The following CPEB3 variants were observed in gnomAD, a reference collection of about 807,000 sequenced individuals.
CPEB3 encodes the protein cytoplasmic polyadenylation element-binding protein 3.
Under a neutral mutation model 67.2 loss-of-function variants are expected in CPEB3, and 20 were observed. That is an observed-to-expected ratio of 0.30 (90% CI 0.21 to 0.43). CPEB3 has a LOEUF of 0.43. Among genes scored for constraint, CPEB3 ranks in the 20% least tolerant of loss-of-function variants. The pLI, the probability that CPEB3 is intolerant of heterozygous loss-of-function variation, is 1.00. For missense variants in CPEB3, 746 were observed against 968.6 expected (o/e 0.77, Z 3.05); for synonymous variants, 376 against 393.1 (o/e 0.96, Z 0.51).
At chr10:92,068,882 A>G (rs1354472759) in intron 9 of CPEB3, among the ~76,000 whole-genome samples, 1 of 152,210 alleles carries the variant, frequency 6.6e-6, no homozygotes, top group East Asian at 1.9e-4. Flanking sequence ...AAGCCCAGGT[A>G]GGATTAGTTC....
intron 2 of CPEB3, among the ~76,000 whole-genome samples, chr10:92,194,331 T>G (rs1028276586): frequency 2.6e-5 from 4 of 151,712 alleles, no homozygotes; most frequent in Admixed American, 6.6e-5. Context: ...TCCCAGCTAC[T>G]CAGGAAGCTG....
At chr10:92,175,533 C>T (rs1038505290) in intron 4 of CPEB3, among the ~76,000 whole-genome samples, 2 of 152,004 alleles carry the variant, frequency 1.3e-5, no homozygotes, top group African/African-American at 4.8e-5. Flanking sequence ...CCAAAGTGGC[C>T]GTATCATTTT....
At chr10:92,223,538 A>C (rs1850799517) in intron 2 of CPEB3, among the ~76,000 whole-genome samples, 2 of 148,314 alleles carry the variant, frequency 1.3e-5, no homozygotes, top group African/African-American at 5.0e-5. Flanking sequence ...GTAATCACCA[A>C]GTCCTTCCAG....
chr10:92,156,378 C>T (rs1386210625), intron 4 of CPEB3, among the ~76,000 whole-genome samples: 6 of 151,954 alleles, frequency 3.9e-5, no homozygotes, highest in Non-Finnish European at 8.8e-5. Flanking sequence ...TCATGGGGAC[C>T]CTGAATTGAG....
At chr10:92,273,449 A>G (rs912761510) in intron 1 of CPEB3, among the ~76,000 whole-genome samples, 1 of 152,162 alleles carries the variant, frequency 6.6e-6, no homozygotes, top group African/African-American at 2.4e-5. Flanking sequence ...TTTAGCTATC[A>G]TAAGGTCCAA....
chr10:92,177,568 G>A (rs1305790328), intron 4 of CPEB3, among the ~76,000 whole-genome samples: 1 of 152,120 alleles, frequency 6.6e-6, no homozygotes, highest in South Asian at 2.1e-4. Context: ...CACAAACCTC[G>A]CCAATTTTTC....
chr10:92,153,612 C>A (rs2133899313), intron 4 of CPEB3, among the ~76,000 whole-genome samples: 1 of 152,208 alleles, frequency 6.6e-6, no homozygotes, highest in East Asian at 1.9e-4. Context: ...GAAACCCCAT[C>A]TCTACTAAAA....
chr10:92,053,120 G>A (rs1158378269), intron 9 of CPEB3, among the ~76,000 whole-genome samples: 2 of 152,170 alleles, frequency 1.3e-5, no homozygotes, highest in African/African-American at 4.8e-5. Context: ...GTGTTAAGAA[G>A]CTACTATAAT....
At chr10:92,196,347 C>G (rs1849234737) in intron 2 of CPEB3, among the ~76,000 whole-genome samples, 1 of 152,150 alleles carries the variant, frequency 6.6e-6, no homozygotes, top group Admixed American at 6.6e-5. Flanking sequence ...ATTAGAGAAA[C>G]AGTTGGTGGC....
At chr10:92,202,205 G>A (rs1009393230) in intron 2 of CPEB3, among the ~76,000 whole-genome samples, 1 of 151,996 alleles carries the variant, frequency 6.6e-6, no homozygotes, top group Non-Finnish European at 1.5e-5. Flanking sequence ...AAACAGTTTG[G>A]CTGTTTCTTA....
chr10:92,207,827 A>G (rs1849867023), intron 2 of CPEB3, among the ~76,000 whole-genome samples: 1 of 152,212 alleles, frequency 6.6e-6, no homozygotes, highest in Non-Finnish European at 1.5e-5. Flanking sequence ...CCGAGATCAC[A>G]CCACTACACT....
intron 8 of CPEB3, among the ~76,000 whole-genome samples, chr10:92,089,575 A>C (rs7077333): frequency 3.3e-4 from 50 of 151,920 alleles, no homozygotes; most frequent in African/African-American, 1.2e-3. Flanking sequence ...TCATGAGGTC[A>C]GGAGTTTGAA....
intron 9 of CPEB3, among the ~76,000 whole-genome samples, chr10:92,057,511 G>C (rs750268550): frequency 6.6e-6 from 1 of 152,238 alleles, no homozygotes; most frequent in Non-Finnish European, 1.5e-5. Flanking sequence ...TCTGCCCAGA[G>C]GCTTGGGGAA....
At chr10:92,220,641 T>G (rs1850653355) in intron 2 of CPEB3, among the ~76,000 whole-genome samples, 1 of 152,054 alleles carries the variant, frequency 6.6e-6, no homozygotes, top group African/African-American at 2.4e-5. Flanking sequence ...TTGTTTTCAT[T>G]TACATATACA....
rs554020263 is a variant in CPEB3 at position 92,089,488 on chromosome 10, A to G, written c.1687+2342T>C. Among the ~76,000 whole-genome samples, 10 of 152,096 alleles carry G rather than the reference A, an allele frequency of 6.6e-5. No individual in the cohort carries two copies. The East Asian group carries it at 1.9e-3, about 29-fold the overall frequency. The stretch of plus-strand genomic sequence containing the variant: ...AAAACAAAAAATTTTAGCTTAGTTG[A>G]AAAAAAAGAGAACTTCGGCTGGGCA... On this transcript the variant is annotated intron_variant, in intron 8 of 9. Coordinates refer to ENST00000265997, the MANE Select transcript of CPEB3 (RefSeq NM_014912.5).
intron 1 of CPEB3, among the ~76,000 whole-genome samples, chr10:92,241,994 T>G (rs1851870896): frequency 6.6e-6 from 1 of 152,218 alleles, no homozygotes; most frequent in Admixed American, 6.5e-5. Context: ...GCTCTGCCTC[T>G]AGACATCCTC....
At chr10:92,105,239 T>C (rs1189797596) in intron 7 of CPEB3, among the ~76,000 whole-genome samples, 1 of 152,262 alleles carries the variant, frequency 6.6e-6, no homozygotes, top group East Asian at 1.9e-4. Flanking sequence ...ATTATAGTTA[T>C]GTGTTAAGAG....
At chr10:92,100,430 C>A (rs1458491895) in intron 7 of CPEB3, among the ~76,000 whole-genome samples, 1 of 152,110 alleles carries the variant, frequency 6.6e-6, no homozygotes, top group Non-Finnish European at 1.5e-5. Context: ...TGCGCCACCA[C>A]GCCCCACTAA....
chr10:92,215,635 G>A (rs1590410122), intron 2 of CPEB3, among the ~76,000 whole-genome samples: 1 of 150,450 alleles, frequency 6.6e-6, no homozygotes, highest in East Asian at 1.9e-4. Flanking sequence ...TAGAGATGGG[G>A]TTTCACTGTG....
Sources: allele counts gnomAD v4.1 joint callset (sites outside exome capture counted in the v4.1 genomes callset), GRCh38; gene constraint gnomAD v4.1.1; transcripts MANE v1.5; gene names NCBI Gene and HGNC (gene_info 2026-07-23, HGNC 2026-07-21).